The following ZMAT4 variants were observed in gnomAD, a reference collection of about 807,000 sequenced individuals.
The protein encoded by ZMAT4 is zinc finger matrin-type 4, also known as zinc finger matrin-type protein 4.
In ZMAT4, 17 loss-of-function variants were observed where a neutral mutation model predicts 28.7. That is an observed-to-expected ratio of 0.59 (90% CI 0.41 to 0.89). The LOEUF is 0.89. Among genes scored for constraint, ZMAT4 ranks in the 40% least tolerant of loss-of-function variants. ZMAT4 has a pLI of 0.00. For missense variants in ZMAT4, 240 were observed against 283.8 expected (o/e 0.85, Z 1.11); for synonymous variants, 117 against 109.2 (o/e 1.07, Z -0.44).
intron 4 of ZMAT4, among the ~76,000 whole-genome samples, chr8:40,694,730 C>T (rs1175457219): frequency 6.6e-6 from 1 of 152,188 alleles, no homozygotes; most frequent in African/African-American, 2.4e-5. Flanking sequence ...TCCTGTCTCC[C>T]AGTCCCATTC....
At chr8:40,741,138 G>T (rs150192386) in intron 3 of ZMAT4, among the ~76,000 whole-genome samples, 2 of 152,030 alleles carry the variant, frequency 1.3e-5, no homozygotes, top group Non-Finnish European at 2.9e-5. Context: ...TTTGGAAAAG[G>T]TTGTGAAGGT....
chr8:40,607,475 AC>A (rs1167277859), intron 5 of ZMAT4, among the ~76,000 whole-genome samples: 2 of 151,364 alleles, frequency 1.3e-5, no homozygotes, highest in Admixed American at 6.6e-5. Context: ...GTTGGTATTC[AC>A]CTTTCTCTGG....
At chr8:40,846,453 G>A (rs542343771) in intron 1 of ZMAT4, among the ~76,000 whole-genome samples, 21 of 152,350 alleles carry the variant, frequency 1.4e-4, no homozygotes, top group Admixed American at 6.5e-4. Context: ...AAGCTGCCGC[G>A]GAGCTGCCTG....
chr8:40,802,432 G>A (rs1814889838), intron 2 of ZMAT4, among the ~76,000 whole-genome samples: 1 of 152,052 alleles, frequency 6.6e-6, no homozygotes, highest in Admixed American at 6.6e-5. Context: ...ATAACCAACA[G>A]CAAGTGAAAT....
chr8:40,678,042 C>T (rs182071268), intron 4 of ZMAT4, among the ~76,000 whole-genome samples: 1 of 152,206 alleles, frequency 6.6e-6, no homozygotes, highest in Non-Finnish European at 1.5e-5. Context: ...TTAAAACCTC[C>T]CTCCTCCCAC....
intron 6 of ZMAT4, among the ~76,000 whole-genome samples, chr8:40,558,384 C>T (rs1315789534): frequency 2.0e-5 from 3 of 152,062 alleles, no homozygotes; most frequent in Admixed American, 1.3e-4. Context: ...AGGAAGCTGT[C>T]GTGGGCAGCC....
Position 40,667,467 on chromosome 8 carries a change from AT to A in ZMAT4, c.577+7236del, listed in dbSNP as rs200383819. On this transcript the variant is annotated intron_variant, in intron 5 of 6. Transcript: ENST00000297737. ...CCGTGCCCGGCCCTGTCCTGCAATA[AT>A]TTCATAACCATCTCCTGTTGCAATG... Among the ~76,000 whole-genome samples the A allele has an allele frequency of 5.4e-3, 816 of 152,196 alleles. 7 individuals are homozygous for A. Among genetic ancestry groups the A allele is most frequent in the African/African-American group, 0.019 (784 of 41,538 alleles).
intron 1 of ZMAT4, among the ~76,000 whole-genome samples, chr8:40,872,946 T>C (rs1817914905): frequency 6.6e-6 from 1 of 152,098 alleles, no homozygotes. Flanking sequence ...AGCTCAACCC[T>C]CTGTGGACCA....
At chr8:40,785,756 A>C (rs1329722308) in intron 2 of ZMAT4, among the ~76,000 whole-genome samples, 2 of 152,178 alleles carry the variant, frequency 1.3e-5, no homozygotes, top group Non-Finnish European at 2.9e-5. Context: ...ATCCAGGGAA[A>C]ATAATAAAGT....
chr8:40,581,932 ACTG>A (rs1396841880), intron 5 of ZMAT4, among the ~76,000 whole-genome samples: 1 of 152,198 alleles, frequency 6.6e-6, no homozygotes, highest in Non-Finnish European at 1.5e-5. Context: ...AAAAATCTTG[ACTG>A]ATCTAGAGCC....
rs2118338696 is a variant in ZMAT4, at chr8:40,531,816, C to T, written c.*407G>A. 6.4e-6 allele frequency: 1 copy of T among 157,454 alleles called. No individual in the cohort carries two copies. The highest frequency in any genetic ancestry group is 2.4e-5 in the African/African-American group (1 of 41,754). 9.8% of individuals were successfully genotyped at this position (157,454 alleles called of 1,614,324 possible). ...CATGATGAGAAAAGAATGTATATTT[C>T]TGGATAGAGGTGGTTTACATCACAC... On this transcript the variant is annotated 3_prime_UTR_variant, in exon 7 of 7. Transcript: ENST00000297737.
rs570430375 is a variant in ZMAT4, at chr8:40,585,169, T to C, written c.578-3908A>G. Among the ~76,000 whole-genome samples, 4 of 152,240 alleles carry C rather than the reference T, an allele frequency of 2.6e-5. No individual in the cohort carries two copies. The South Asian group carries it at 8.3e-4, about 32-fold the overall frequency. ...TTTTTGTTTCAATCACATAATCAGGTACTGACTCACCTGATTGTTCAATTA... is the reference window on the plus strand; with the variant it reads ...TTTTTGTTTCAATCACATAATCAGGCACTGACTCACCTGATTGTTCAATTA... On this transcript the variant is annotated intron_variant, in intron 5 of 6. Transcript: ENST00000297737.
chr8:40,855,354 G>A lies in ZMAT4; in HGVS notation c.-4-29674C>T, dbSNP rs75183101. 3.4e-3 allele frequency among the ~76,000 whole-genome samples: 521 copies of A among 152,170 alleles called. 4 individuals are homozygous for A. Among genetic ancestry groups the A allele is most frequent in the African/African-American group, 0.012 (504 of 41,512 alleles). ...CCTGCTTTTGGCCCTAGTGCCAAAT[G>A]ACTCAAAACCCCTCTGGCTCTCTGT... On this transcript the variant is annotated intron_variant, in intron 1 of 6. Transcript: ENST00000297737.
At chr8:40,772,884 C>T (rs561446811) in intron 2 of ZMAT4, among the ~76,000 whole-genome samples, 163 of 152,272 alleles carry the variant, frequency 1.1e-3, no homozygotes, top group Admixed American at 1.8e-3. Flanking sequence ...GGACAGCAAA[C>T]ACCAAACATC....
chr8:40,881,982 T>A (rs1483014726), intron 1 of ZMAT4, among the ~76,000 whole-genome samples: 1 of 152,102 alleles, frequency 6.6e-6, no homozygotes, highest in African/African-American at 2.4e-5. Context: ...GCCCAGGGCC[T>A]AATTAGAGGA....
At chr8:40,734,821 A>G (rs1440407965) in intron 3 of ZMAT4, among the ~76,000 whole-genome samples, 2 of 152,220 alleles carry the variant, frequency 1.3e-5, no homozygotes, top group Non-Finnish European at 2.9e-5. Context: ...AAATTATATG[A>G]TTGGAATTGT....
intron 6 of ZMAT4, among the ~76,000 whole-genome samples, chr8:40,563,276 G>A (rs1803806376): frequency 6.6e-6 from 1 of 152,004 alleles, no homozygotes; most frequent in Non-Finnish European, 1.5e-5. Context: ...GTCCTTAAAT[G>A]GTATATAAAG....
chr8:40,671,739 G>C (rs938377640), intron 5 of ZMAT4, among the ~76,000 whole-genome samples: 3 of 152,132 alleles, frequency 2.0e-5, no homozygotes, highest in Non-Finnish European at 2.9e-5. Flanking sequence ...TTACACAGGT[G>C]TTTGCACTGT....
chr8:40,814,782 T>C (rs890275543), intron 2 of ZMAT4, among the ~76,000 whole-genome samples: 5 of 152,350 alleles, frequency 3.3e-5, no homozygotes, highest in African/African-American at 1.2e-4. Flanking sequence ...TGGGAGACTT[T>C]TCACATACTA....
Sources: gnomAD v4.1 joint callset for allele counts (sites outside exome capture counted in the v4.1 genomes callset) on GRCh38, gnomAD v4.1.1 for gene constraint, MANE v1.5 for transcripts, NCBI Gene and HGNC (gene_info 2026-07-23, HGNC 2026-07-21) for gene names.